The following SI variants were observed in gnomAD, a reference collection of about 807,000 sequenced individuals.
SI encodes the protein sucrase-isomaltase, intestinal.
Under a neutral mutation model 253.3 loss-of-function variants are expected in SI, and 235 were observed. The ratio of observed to expected loss-of-function variants is 0.93; its 90% CI spans 0.83 to 1.03. SI has a LOEUF of 1.03. Ranked by LOEUF, SI falls within the 50% of genes least tolerant of loss-of-function variation. SI has a pLI of 0.00. For missense variants in SI, 2,442 were observed against 2,211.1 expected, an observed-to-expected ratio of 1.10 and a Z score of -2.09; for synonymous variants, 819 against 712.0, an observed-to-expected ratio of 1.15 and a Z score of -2.39.
At chr3:165,088,543 A>C in the SI span, among the ~76,000 whole-genome samples, 714 of 152,050 alleles carry the variant, frequency 4.7e-3, 2 homozygotes, top group African/African-American at 0.016. Flanking sequence ...CAGGAGGCTG[A>C]GGCAGAAGAA....
chr3:165,024,784 A>AT (rs943358677), intron 25 of SI, among the ~76,000 whole-genome samples: 1 of 150,886 alleles, frequency 6.6e-6, no homozygotes, highest in African/African-American at 2.4e-5. Context: ...CTACTGTTCT[A>AT]TTTTTTCTGC....
At chr3:165,048,489 G>T (rs1036825321) in intron 15 of SI, among the ~76,000 whole-genome samples, 1 of 148,034 alleles carries the variant, frequency 6.8e-6, no homozygotes, top group South Asian at 2.1e-4. Context: ...TTCAGAAATG[G>T]TAAAATTTTG....
chr3:165,036,501 A>T, intron 21 of SI, 24 bp from the exon 22 acceptor site: 1 of 1,510,528 alleles, frequency 6.6e-7, no homozygotes, highest in Non-Finnish European at 9.2e-7. Context: ...TTAGGTGCAT[A>T]TATGGTTAAA....
At chr3:165,008,510 A>G (rs1576881981) in intron 35 of SI, among the ~76,000 whole-genome samples, 1 of 151,992 alleles carries the variant, frequency 6.6e-6, no homozygotes, top group Non-Finnish European at 1.5e-5. Context: ...CTCCACCTGA[A>G]AAAGATAATT....
chr3:165,051,955 A>C (rs1483994781), intron 13 of SI, among the ~76,000 whole-genome samples: 1 of 152,064 alleles, frequency 6.6e-6, no homozygotes, highest in African/African-American at 2.4e-5. Flanking sequence ...GCTCACAATA[A>C]AAGGGAAAAT....
rs534614179 is a variant in SI at position 164,989,543 on chromosome 3, G to T, written c.5108+1810C>A. Among the ~76,000 whole-genome samples, 77 of 151,998 alleles carry T rather than the reference G, an allele frequency of 5.1e-4. 3 individuals are homozygous for T. The South Asian group carries it at 0.016, about 32-fold the overall frequency. On this transcript the variant is annotated intron_variant, in intron 44 of 47. Transcript: ENST00000264382. ...CAGGTCTGGTTCCTCTTGGACAGCA[G>T]GACACTTAGTAGTTTGATGGAGTAG...
intron 35 of SI, 120 bp downstream of exon 35, chr3:165,009,159 A>T: frequency 1.4e-6 from 1 of 717,174 alleles, no homozygotes; most frequent in East Asian, 2.7e-5. Flanking sequence ...CTGTGGGGGA[A>T]AAAAGTGGAC....
intron 12 of SI, among the ~76,000 whole-genome samples, chr3:165,057,460 A>T (rs1159414540): frequency 6.6e-6 from 1 of 152,046 alleles, no homozygotes; most frequent in Admixed American, 6.6e-5. Context: ...TTAGAGAAAG[A>T]TATCAATATT....
At chr3:165,025,288 C>T (rs1711852396) in intron 25 of SI, among the ~76,000 whole-genome samples, 1 of 150,908 alleles carries the variant, frequency 6.6e-6, no homozygotes, top group Non-Finnish European at 1.5e-5. Flanking sequence ...TAACTCAATC[C>T]AATAAAGACA....
At chr3:165,034,981 G>C (rs1712456658) in intron 22 of SI, among the ~76,000 whole-genome samples, 1 of 151,880 alleles carries the variant, frequency 6.6e-6, no homozygotes, top group Non-Finnish European at 1.5e-5. Flanking sequence ...CTGATGAGAG[G>C]CTTCAGATCA....
intron 3 of SI, among the ~76,000 whole-genome samples, chr3:165,070,239 CAT>C (rs909584729): frequency 4.3e-4 from 60 of 140,800 alleles, no homozygotes; most frequent in Admixed American, 1.7e-3. Context: ...TAAAAATACA[CAT>C]AGTTTTATTT....
At position 165,030,846 on chromosome 3, in the gene SI, T is replaced by A; in HGVS notation, c.2758A>T (p.Lys920Ter). ...SNQVLLIADLKLNLGRNFSVQ... is the reference protein window; with the variant it reads ...SNQVLLIADL The stretch of plus-strand genomic sequence containing the variant: ...CTAAAGTTTCTTCCAAGATTAAGTT[T>A]GAGATCTGCAATTAGGAGAACCTTT... The change falls in exon 25 of 48, where the codon AAA becomes TAA. Residue 920 changes from lysine to a stop codon, truncating the protein, a stop_gained. Transcript: ENST00000264382. LOFTEE classifies it high-confidence loss of function. 1 of 1,566,568 alleles carries A rather than the reference T, an allele frequency of 6.4e-7. No individual in the cohort carries two copies.
intron 23 of SI, 40 bp from the exon 24 acceptor site, chr3:165,032,732 A>G: frequency 7.3e-7 from 1 of 1,368,796 alleles, no homozygotes; most frequent in Non-Finnish European, 1.0e-6. Context: ...TTAGGTCATC[A>G]GATACAAACC....
Position 165,059,934 on chromosome 3 carries a change from C to T in SI, c.1114G>A (p.Val372Ile), listed in dbSNP as rs1480173483. 3.7e-6 allele frequency: 6 copies of T among 1,612,010 alleles called. 1 individual carries two copies. Among genetic ancestry groups the T allele is most frequent in the Non-Finnish European group, 5.1e-6 (6 of 1,178,658 alleles). Reference protein sequence around the residue: ...YKSLDVVKEVVRRNREAGIPF... With the variant: ...YKSLDVVKEVIRRNREAGIPF... ...ATGCCAGCTTCCCGGTTTCTCCTTACCACTTCTTTCACTACATCTAGTGAC... is the reference window on the plus strand; with the variant it reads ...ATGCCAGCTTCCCGGTTTCTCCTTATCACTTCTTTCACTACATCTAGTGAC... The change falls in exon 10 of 48, where the codon GTA (valine) becomes ATA (isoleucine). Residue 372 changes from valine (V) to isoleucine (I), a missense_variant. Transcript: ENST00000264382.
chr3:165,072,427 A>G (rs931573757), intron 3 of SI, among the ~76,000 whole-genome samples: 1 of 151,884 alleles, frequency 6.6e-6, no homozygotes, highest in African/African-American at 2.4e-5. Flanking sequence ...AACAACAACA[A>G]CAAAAAACCC....
At chr3:165,002,611 C>T (rs1718305789) in intron 37 of SI, among the ~76,000 whole-genome samples, 1 of 151,584 alleles carries the variant, frequency 6.6e-6, no homozygotes. Context: ...TTCAGTTTTC[C>T]TCAATGATAA....
intron 44 of SI, among the ~76,000 whole-genome samples, chr3:164,990,234 T>A (rs1717667050): frequency 6.6e-6 from 1 of 152,050 alleles, no homozygotes; most frequent in Non-Finnish European, 1.5e-5. Context: ...CTCTAAAAAA[T>A]AAGTCTTTGA....
At chr3:165,030,927 A>G (rs1342452179) in intron 24 of SI, 60 bp from the exon 25 acceptor site, 6 of 1,505,880 alleles carry the variant, frequency 4.0e-6, no homozygotes, top group South Asian at 1.3e-5. Context: ...AAACAAAAAC[A>G]TTAAACACTG....
intron 25 of SI, among the ~76,000 whole-genome samples, chr3:165,025,676 G>A (rs181909837): frequency 1.0e-3 from 158 of 151,332 alleles, no homozygotes; most frequent in Middle Eastern, 3.4e-3. Flanking sequence ...GGATTGGGGC[G>A]CTGTCTTCAG....
Sources: allele counts gnomAD v4.1 joint callset (sites outside exome capture counted in the v4.1 genomes callset), GRCh38; gene constraint gnomAD v4.1.1; transcripts MANE v1.5; gene names NCBI Gene and HGNC (gene_info 2026-07-23, HGNC 2026-07-21).